Variants in SNAPC4 observed in about 807,000 individuals in gnomAD.
SNAPC4 encodes small nuclear RNA activating complex polypeptide 4.
Under a neutral mutation model 151.3 loss-of-function variants are expected in SNAPC4, and 127 were observed. That is an observed-to-expected ratio of 0.84 (90% CI 0.73 to 0.97). SNAPC4 has a LOEUF of 0.97. Ranked by LOEUF, SNAPC4 falls within the 50% of genes least tolerant of loss-of-function variation. SNAPC4 has a pLI of 0.00. For missense variants in SNAPC4, 2,186 were observed against 1,935.0 expected (o/e 1.13, Z -2.43); for synonymous variants, 1,002 against 824.4 (o/e 1.22, Z -3.69).
At chr9:136,392,826 G>T (rs768778132) in intron 7 of SNAPC4, 49 bp from the exon 8 acceptor site, 4 of 1,498,674 alleles carry the variant, frequency 2.7e-6, no homozygotes, top group Non-Finnish European at 3.7e-6. Context: ...GGGCTGCGGG[G>T]CGGGGCAGGT....
intron 1 of SNAPC4, among the ~76,000 whole-genome samples, chr9:136,399,932 G>C (rs1052601048): frequency 2.0e-5 from 3 of 152,074 alleles, no homozygotes; most frequent in Admixed American, 6.5e-5. Flanking sequence ...CCAGCCGAGG[G>C]GCTCCCAGGG....
chr9:136,398,467 G>T, intron 1 of SNAPC4, 30 bp from the exon 2 acceptor site: 1 of 1,603,354 alleles, frequency 6.2e-7, no homozygotes. Context: ...CGAGATGTTA[G>T]AAACCAAGAC....
chr9:136,378,410 A>G lies in SNAPC4; in HGVS notation c.3417T>C (p.Asn1139=). The G allele has an allele frequency of 2.5e-6, 4 of 1,606,070 alleles. No individual in the cohort carries two copies. The highest frequency in any genetic ancestry group is 3.4e-6 in the Non-Finnish European group (4 of 1,177,998). ...ALSSSWQPPA[N]MNREPEPSCR... is the part of the protein sequence containing the mutation. ...AGGAAGGCTCCGGTTCCCTGTTCAT[A>G]TTGGCTGGGGGCTGCCAAGAGCTGC... Residue 1139 remains asparagine, a synonymous_variant, in exon 22 of 24, where the codon AAT becomes AAC. Transcript: ENST00000684778.
At chr9:136,379,765 G>T in intron 21 of SNAPC4, 72 bp downstream of exon 21, 2 of 1,421,998 alleles carry the variant, frequency 1.4e-6, no homozygotes. Context: ...GAAAGCCAGG[G>T]CCAGGTTAGG....
chr9:136,376,520 C>G, intron 22 of SNAPC4, 39 bp from the exon 23 acceptor site: 4 of 1,609,162 alleles, frequency 2.5e-6, no homozygotes, highest in Non-Finnish European at 3.4e-6. Flanking sequence ...AGAGTGACAC[C>G]CCCGAGCCAT....
Position 136,378,574 on chromosome 9 carries a change from G to A in SNAPC4, c.3253C>T (p.Leu1085Phe), listed in dbSNP as rs765505748. ...ACAGCTGGTACAGGAACAGGGAGAA[G>A]CCCCTGGGCTGTGAGCACCCAGGTG... is the stretch of plus-strand genomic sequence containing the variant. ...PVTWVLTAQG[L>F]LPVPVPAVVS... The change falls in exon 22 of 24, where the codon CTT becomes TTT. Residue 1085 changes from leucine to phenylalanine, a missense_variant. By Grantham distance (22) the Leu-to-Phe change is conservative. Transcript: ENST00000684778. 3.8e-6 allele frequency: 6 copies of A among 1,589,534 alleles called. No individual in the cohort carries two copies. The highest frequency in any genetic ancestry group is 5.1e-6 in the Non-Finnish European group (6 of 1,171,110).
rs181542506 is a variant in SNAPC4, at chr9:136,398,170, G to A, written c.130+129C>T. ...CAATGCTCTCACCTCAGCCTCAGGA[G>A]TCCCTGGGTTTACAGGCCTGAGAAA... On this transcript the variant is annotated intron_variant, in intron 2 of 23. Coordinates refer to ENST00000684778, the MANE Select transcript of SNAPC4 (RefSeq NM_003086.4). The A allele has an allele frequency of 2.6e-5, 23 of 877,600 alleles. No homozygotes were observed. In the East Asian group the frequency reaches 5.6e-4, roughly 21 times the overall value. The allele number at this position is 877,600 out of a possible 1,614,324, so 54.4% of individuals were successfully genotyped here.
At chr9:136,382,447 C>G in intron 16 of SNAPC4, 111 bp from the exon 17 acceptor site, 1 of 904,492 alleles carries the variant, frequency 1.1e-6, no homozygotes, top group Non-Finnish European at 1.8e-6. Context: ...CAAAGCGTGG[C>G]TGTGTACAGC....
intron 1 of SNAPC4, among the ~76,000 whole-genome samples, chr9:136,399,300 C>T (rs1834374477): frequency 6.6e-6 from 1 of 152,220 alleles, no homozygotes; most frequent in African/African-American, 2.4e-5. Context: ...CCGCGAGCAC[C>T]GTTAGCCGCA....
chr9:136,385,974 A>G (rs970348143), intron 13 of SNAPC4, among the ~76,000 whole-genome samples: 5 of 152,068 alleles, frequency 3.3e-5, no homozygotes, highest in African/African-American at 1.2e-4. Context: ...TGCTGTGGAC[A>G]TTGTTGTATC....
chr9:136,397,592 G>A (rs1284703712), intron 2 of SNAPC4, among the ~76,000 whole-genome samples: 1 of 129,154 alleles, frequency 7.7e-6, no homozygotes, highest in African/African-American at 3.0e-5. Context: ...GGAGCCTATG[G>A]GGTGGGGAGC....
In SNAPC4 at chr9:136,393,686, G is replaced by A. The variant is rs966031995; in HGVS notation, c.632+563C>T. Among the ~76,000 whole-genome samples, 13 of 151,998 alleles carry A rather than the reference G, an allele frequency of 8.6e-5. No individual in the cohort carries two copies. The East Asian group carries it at 2.3e-3, about 27-fold the overall frequency. ...ACCTCTCATCGTGGCCGTGTGGACC[G>A]ACCCCGCGCCCCGAGCCACACCCCT... On this transcript the variant is annotated intron_variant, in intron 7 of 23. Coordinates refer to ENST00000684778, the MANE Select transcript of SNAPC4 (RefSeq NM_003086.4).
chr9:136,383,040 C>G lies in SNAPC4; in HGVS notation c.1983+146G>C. 7.6e-7 allele frequency: 1 copy of G among 1,309,930 alleles called. No individual in the cohort carries two copies. The highest frequency in any genetic ancestry group is 1.7e-5 in the South Asian group (1 of 58,010). 81.1% of individuals were successfully genotyped at this position (1,309,930 alleles called of 1,614,324 possible). Reference sequence around the variant, plus strand: ...CTTCCCCAACAGTCCCCCCGACGCACAGCTGTCCAGAGCTCAGCCAGAAGT... The same window carrying G: ...CTTCCCCAACAGTCCCCCCGACGCAGAGCTGTCCAGAGCTCAGCCAGAAGT... On this transcript the variant is annotated intron_variant, in intron 16 of 23. Transcript: ENST00000684778. This position sits in a 1 kb window ranked among gnomAD's most constrained non-coding sequence, Gnocchi z 4.2.
intron 7 of SNAPC4, among the ~76,000 whole-genome samples, chr9:136,393,978 T>C (rs1388542234): frequency 3.9e-5 from 6 of 152,244 alleles, no homozygotes; most frequent in Non-Finnish European, 8.8e-5. Flanking sequence ...AACGCAGTGG[T>C]ACAATCATGG....
rs972225412 is a variant in SNAPC4, at chr9:136,392,537, C to T, written c.795G>A (p.Lys265=). 3.7e-6 allele frequency: 6 copies of T among 1,613,768 alleles called. No individual in the cohort carries two copies. In the African/African-American group the frequency reaches 6.7e-5, roughly 18 times the overall value. Residue 265 remains lysine (K), a synonymous_variant, in exon 9 of 24, where the codon AAG becomes AAA. Coordinates refer to ENST00000684778, the MANE Select transcript of SNAPC4 (RefSeq NM_003086.4). ...GNRLDSHDWE[K]ISNINFEGSR... Reference sequence around the variant, plus strand: ...CCTGACTTACGTTAATATTGGAAATCTTCTCCCAGTCGTGGCTGTCCAGCC... The same window carrying T: ...CCTGACTTACGTTAATATTGGAAATTTTCTCCCAGTCGTGGCTGTCCAGCC...
chr9:136,381,915 G>A lies in SNAPC4; in HGVS notation c.2226C>T (p.Arg742=), dbSNP rs761638879. 1.1e-5 allele frequency: 18 copies of A among 1,612,872 alleles called. No homozygotes were observed. Among genetic ancestry groups the A allele is most frequent in the South Asian group, 4.4e-5 (4 of 91,086 alleles). ...RHALHRRLLN[R]RLLLAVTPWV... ...AAGGGGTCACAGCCAGCAGCAGCCT[G>A]CGGTTCAGGAGCCTCCGGTGCAGAG... The change falls in exon 18 of 24, where the codon CGC becomes CGT. Residue 742 remains arginine (R), a synonymous_variant. Coordinates refer to ENST00000684778, the MANE Select transcript of SNAPC4 (RefSeq NM_003086.4).
At chr9:136,397,893 A>G (rs1189379985) in intron 2 of SNAPC4, among the ~76,000 whole-genome samples, 1 of 152,024 alleles carries the variant, frequency 6.6e-6, no homozygotes, top group African/African-American at 2.4e-5. Flanking sequence ...AGCCCTGCAC[A>G]GGCCCAAGGA....
chr9:136,381,901 G>A lies in SNAPC4; in HGVS notation c.2240C>T (p.Ala747Val). Residue 747 changes from alanine to valine, a missense_variant, in exon 18 of 24, where the codon GCT becomes GTT. Coordinates refer to ENST00000684778, the MANE Select transcript of SNAPC4 (RefSeq NM_003086.4). ...AACGTCCCCTACCCAAGGGGTCACAGCCAGCAGCAGCCTGCGGTTCAGGAG... is the reference window on the plus strand; with the variant it reads ...AACGTCCCCTACCCAAGGGGTCACAACCAGCAGCAGCCTGCGGTTCAGGAG... ...RRLLNRRLLLAVTPWVGDVVV... is the reference protein window; with the variant it reads ...RRLLNRRLLLVVTPWVGDVVV... 6.2e-7 allele frequency: 1 copy of A among 1,612,966 alleles called. No homozygotes were observed. The highest frequency in any genetic ancestry group is 8.5e-7 in the Non-Finnish European group (1 of 1,179,986).
In SNAPC4 at chr9:136,384,786, T is replaced by G. The variant is rs763123619; in HGVS notation, c.1354A>C (p.Lys452Gln). The G allele has an allele frequency of 6.3e-7, 1 of 1,597,242 alleles. No homozygotes were observed. The highest frequency in any genetic ancestry group is 1.7e-5 in the Admixed American group (1 of 58,052). ...TCTTTTAAATTCCACCGACCCTTTT[T>G]CAAGCTGAAATGTAATCTCCTGAGA... ...RYLRRLHFSL[K>Q]KGRWNLKEEE... Residue 452 changes from lysine (K) to glutamine (Q), a missense_variant, in exon 14 of 24, where the codon AAA becomes CAA. Lys to Gln is a moderately conservative substitution (Grantham distance 53). Coordinates refer to ENST00000684778, the MANE Select transcript of SNAPC4 (RefSeq NM_003086.4).
Sources: gnomAD v4.1 joint callset for allele counts (sites outside exome capture counted in the v4.1 genomes callset) on GRCh38, gnomAD v4.1.1 for gene constraint, Gnocchi (gnomAD v3.1) non-coding constraint, MANE v1.5 for transcripts, NCBI Gene and HGNC (gene_info 2026-07-23, HGNC 2026-07-21) for gene names.